Variants in WDPCP observed in about 807,000 individuals in gnomAD.
WDPCP encodes the protein WD repeat containing planar cell polarity effector, also known as WD repeat-containing and planar cell polarity effector protein fritz homolog.
In WDPCP, 71 loss-of-function variants were observed where a neutral mutation model predicts 93.1. That is an observed-to-expected ratio of 0.76 (90% CI 0.63 to 0.93). The LOEUF (loss-of-function observed/expected upper bound fraction) is 0.93. Ranked by LOEUF, WDPCP falls within the 40% of genes least tolerant of loss-of-function variation. The pLI, the probability that WDPCP is intolerant of heterozygous loss-of-function variation, is 0.00. For synonymous variants in WDPCP, 315 were observed against 315.0 expected (o/e 1.00, Z 0.00); for missense variants, 844 against 887.4 (o/e 0.95, Z 0.62).
intron 17 of WDPCP, among the ~76,000 whole-genome samples, chr2:63,138,454 C>CT (rs770979974): frequency 0.019 from 2,602 of 133,690 alleles, 47 homozygotes; most frequent in Middle Eastern, 0.03. Flanking sequence ...TGAGTAAGTT[C>CT]TTTTTTTTTT....
At chr2:63,150,794 G>A (rs1437200477) in intron 17 of WDPCP, among the ~76,000 whole-genome samples, 2 of 152,104 alleles carry the variant, frequency 1.3e-5, no homozygotes, top group South Asian at 4.1e-4. Flanking sequence ...AGAGAAATAT[G>A]TTGAAAAATA....
At chr2:63,304,949 T>A (rs1457740027) in intron 13 of WDPCP, among the ~76,000 whole-genome samples, 1 of 152,016 alleles carries the variant, frequency 6.6e-6, no homozygotes, top group African/African-American at 2.4e-5. Flanking sequence ...AGTAGGCAGT[T>A]TTCCCCTCAC....
At chr2:63,587,534 G>C (rs1708944384) in intron 1 of WDPCP, among the ~76,000 whole-genome samples, 1 of 152,198 alleles carries the variant, frequency 6.6e-6, no homozygotes, top group Non-Finnish European at 1.5e-5. Context: ...ATCAGTGACA[G>C]AGAAAAAACG....
At chr2:63,604,872 G>GACT in intron 3 of WDPCP, 1 of 1,613,752 alleles carries the variant, frequency 6.2e-7, no homozygotes, top group Non-Finnish European at 8.5e-7. Flanking sequence ...AATTTGTCAC[G>GACT]GTAAGAAAAA....
chr2:63,123,840 T>C (rs1445615225), intron 17 of WDPCP, among the ~76,000 whole-genome samples: 3 of 151,420 alleles, frequency 2.0e-5, no homozygotes, highest in Non-Finnish European at 4.4e-5. Context: ...ACGTTTTATT[T>C]ATTTATTTTA....
At chr2:63,220,593 G>A (rs1018709581) in intron 14 of WDPCP, among the ~76,000 whole-genome samples, 1 of 152,054 alleles carries the variant, frequency 6.6e-6, no homozygotes, top group Non-Finnish European at 1.5e-5. Flanking sequence ...GATTGGCAAG[G>A]GTTTGTGAAA....
At chr2:63,426,973 T>A (rs1696360692) in intron 9 of WDPCP, among the ~76,000 whole-genome samples, 1 of 152,028 alleles carries the variant, frequency 6.6e-6, no homozygotes, top group Non-Finnish European at 1.5e-5. Context: ...TTAACAATAG[T>A]CGAGAAGGAC....
chr2:63,512,985 C>T (rs536844859), intron 1 of WDPCP, among the ~76,000 whole-genome samples: 1 of 151,626 alleles, frequency 6.6e-6, no homozygotes, highest in East Asian at 1.9e-4. Context: ...GAAAGGAAAT[C>T]CTACAAGGAT....
chr2:63,306,809 G>A (rs1255089072), intron 13 of WDPCP, among the ~76,000 whole-genome samples: 1 of 152,154 alleles, frequency 6.6e-6, no homozygotes, highest in Non-Finnish European at 1.5e-5. Context: ...AAAGATAGAA[G>A]CATTCCCTTT....
intron 17 of WDPCP, among the ~76,000 whole-genome samples, chr2:63,140,741 G>A (rs549798838): frequency 6.6e-6 from 1 of 152,174 alleles, no homozygotes; most frequent in African/African-American, 2.4e-5. Context: ...CAAGGTAAAC[G>A]ATTGTATCAT....
intron 14 of WDPCP, among the ~76,000 whole-genome samples, chr2:63,257,962 G>A (rs1485732876): frequency 6.6e-6 from 1 of 152,100 alleles, no homozygotes; most frequent in Non-Finnish European, 1.5e-5. Context: ...TGGCTAGAGG[G>A]ATAGGGATGG....
At chr2:63,657,923 A>G (rs746272216) in intron 2 of WDPCP, among the ~76,000 whole-genome samples, 104 of 152,284 alleles carry the variant, frequency 6.8e-4, no homozygotes, top group Non-Finnish European at 1.1e-3. Flanking sequence ...TTTGTGGAGC[A>G]CAAACCTTGC....
intron 12 of WDPCP, among the ~76,000 whole-genome samples, chr2:63,320,114 A>G (rs183092858): frequency 0.021 from 3,235 of 152,258 alleles, 50 homozygotes; most frequent in Middle Eastern, 0.031. Flanking sequence ...TTGATAAACT[A>G]AACATCCAAC....
rs755986494 is a variant in WDPCP, at chr2:63,437,458, T to C, written c.596A>G (p.Asn199Ser). 38 of 1,604,348 alleles carry C rather than the reference T, an allele frequency of 2.4e-5. No individual in the cohort carries two copies. The highest frequency in any genetic ancestry group is 2.9e-5 in the Non-Finnish European group (34 of 1,175,350). The part of the protein sequence containing the change: ...FTKKMESSDV[N>S]KRLEKLSALD... ...GGCTGAGAGTTTTTCCAGTCTTTTG[T>C]TTACATCAGAAGACTCCATCTTCTT... Residue 199 changes from asparagine to serine, a missense_variant, in exon 8 of 18, where the codon AAC becomes AGC. Transcript: ENST00000272321.
intron 12 of WDPCP, among the ~76,000 whole-genome samples, chr2:63,333,238 T>C (rs1259465682): frequency 6.6e-6 from 1 of 152,200 alleles, no homozygotes; most frequent in Non-Finnish European, 1.5e-5. Context: ...AAACCCTGTA[T>C]ATCATGACTT....
intron 14 of WDPCP, among the ~76,000 whole-genome samples, chr2:63,209,752 T>C (rs1315330990): frequency 6.6e-6 from 1 of 152,160 alleles, no homozygotes; most frequent in African/African-American, 2.4e-5. Context: ...CAAGGAATAA[T>C]CCAAACACCC....
At chr2:63,271,248 A>G (rs1450886844) in intron 13 of WDPCP, among the ~76,000 whole-genome samples, 2 of 152,256 alleles carry the variant, frequency 1.3e-5, no homozygotes, top group African/African-American at 4.8e-5. Context: ...TCCCAGCAGC[A>G]AAGCCAATGT....
chr2:63,662,428 A>G (rs1710236052), intron 2 of WDPCP, among the ~76,000 whole-genome samples: 1 of 152,182 alleles, frequency 6.6e-6, no homozygotes, highest in African/African-American at 2.4e-5. Flanking sequence ...TTTATGACAG[A>G]AAACACGAGA....
intron 13 of WDPCP, among the ~76,000 whole-genome samples, chr2:63,310,075 T>A (rs1445136105): frequency 6.6e-6 from 1 of 152,162 alleles, no homozygotes; most frequent in Non-Finnish European, 1.5e-5. Flanking sequence ...ACTACCTAAA[T>A]ATTTGAAAAG....
Sources: allele counts gnomAD v4.1 joint callset (sites outside exome capture counted in the v4.1 genomes callset), GRCh38; gene constraint gnomAD v4.1.1; transcripts MANE v1.5; gene names NCBI Gene and HGNC (gene_info 2026-07-23, HGNC 2026-07-21).